Variants in PCDH15 observed in about 807,000 individuals in gnomAD.
The protein encoded by PCDH15 is protocadherin-15.
A neutral mutation model predicts 178.5 loss-of-function variants in PCDH15; 129 were observed. That is an observed-to-expected ratio of 0.72 (90% CI 0.63 to 0.84). PCDH15 has a LOEUF of 0.84. PCDH15 is among the 40% of genes least tolerant of loss of function. The pLI, the probability that PCDH15 is intolerant of heterozygous loss-of-function variation, is 0.00. For synonymous variants in PCDH15, 800 were observed against 732.0 expected (o/e 1.09, Z -1.50); for missense variants, 2,230 against 2,099.9 (o/e 1.06, Z -1.21).
intron 8 of PCDH15, among the ~76,000 whole-genome samples, chr10:54,276,636 TA>T (rs1442165542): frequency 6.7e-6 from 1 of 149,110 alleles, no homozygotes; most frequent in East Asian, 1.9e-4. Flanking sequence ...TAATAAAATC[TA>T]TATAAGAATG....
At chr10:54,425,752 G>T (rs912752053) in intron 3 of PCDH15, among the ~76,000 whole-genome samples, 1 of 152,152 alleles carries the variant, frequency 6.6e-6, no homozygotes, top group African/African-American at 2.4e-5. Flanking sequence ...TGTGACACAT[G>T]ACCTTTCTTT....
intron 14 of PCDH15, among the ~76,000 whole-genome samples, chr10:54,138,442 G>T (rs2133135871): frequency 6.6e-6 from 1 of 152,280 alleles, no homozygotes; most frequent in South Asian, 2.1e-4. Context: ...GTAGGATTGT[G>T]TTGGCGATTG....
chr10:54,664,416 A>G (rs912667559), intron 1 of PCDH15, 126 bp from the exon 2 acceptor site: 1 of 671,052 alleles, frequency 1.5e-6, no homozygotes, highest in Non-Finnish European at 2.7e-6. Flanking sequence ...CACATTATCC[A>G]TTAACAAAGT....
chr10:55,474,118 T>C (rs1436186947), intron 2 of PCDH15, among the ~76,000 whole-genome samples: 3 of 152,160 alleles, frequency 2.0e-5, no homozygotes, highest in Non-Finnish European at 4.4e-5. Context: ...TTACCAATTT[T>C]CTACATTAAC....
chr10:55,353,970 G>C (rs186858963), intron 2 of PCDH15, among the ~76,000 whole-genome samples: 1 of 152,066 alleles, frequency 6.6e-6, no homozygotes, highest in Non-Finnish European at 1.5e-5. Flanking sequence ...GCTCAGAGAC[G>C]ATTCTTTATA....
intron 8 of PCDH15, among the ~76,000 whole-genome samples, chr10:54,293,929 G>A (rs921716054): frequency 1.3e-5 from 2 of 151,998 alleles, no homozygotes; most frequent in African/African-American, 2.4e-5. Context: ...AAGGATCTAG[G>A]ACTAGAAATA....
At chr10:55,436,280 G>C (rs1589025805) in intron 2 of PCDH15, among the ~76,000 whole-genome samples, 2 of 152,042 alleles carry the variant, frequency 1.3e-5, no homozygotes, top group Admixed American at 1.3e-4. Flanking sequence ...ACATAAATTA[G>C]AAAAGATAAA....
intron 2 of PCDH15, among the ~76,000 whole-genome samples, chr10:55,483,605 T>C (rs1024923480): frequency 7.9e-5 from 12 of 151,744 alleles, no homozygotes; most frequent in African/African-American, 2.4e-4. Context: ...GAAATATCAT[T>C]CAACACAGCA....
Position 54,066,753 on chromosome 10 carries a change from T to C in PCDH15, c.2220+4A>G, listed in dbSNP as rs779853507. 3 of 1,612,748 alleles carry C rather than the reference T, an allele frequency of 1.9e-6. No individual in the cohort carries two copies. Among genetic ancestry groups the C allele is most frequent in the East Asian group, 2.2e-5 (1 of 44,750 alleles). ...TATAAGATCTATATAAATATTCCACTTACTTTTACTTGACCCACAAAGGCA... is the reference window on the plus strand; with the variant it reads ...TATAAGATCTATATAAATATTCCACCTACTTTTACTTGACCCACAAAGGCA... On this transcript the variant is annotated splice_donor_region_variant and intron_variant, in intron 18 of 37. Coordinates refer to ENST00000644397, the MANE Select transcript of PCDH15 (RefSeq NM_001384140.1).
At chr10:54,592,808 AAT>A (rs2091968374) in intron 2 of PCDH15, among the ~76,000 whole-genome samples, 1 of 152,188 alleles carries the variant, frequency 6.6e-6, no homozygotes, top group African/African-American at 2.4e-5. Context: ...CATTCCCATC[AAT>A]ATGTCTTCCT....
intron 2 of PCDH15, among the ~76,000 whole-genome samples, chr10:54,647,041 T>G (rs534313261): frequency 1.3e-5 from 2 of 152,088 alleles, no homozygotes; most frequent in African/African-American, 2.4e-5. Flanking sequence ...AGCACTACCA[T>G]GTTACTGCAG....
intron 21 of PCDH15, among the ~76,000 whole-genome samples, chr10:53,980,315 G>C (rs1320035227): frequency 6.6e-6 from 1 of 151,998 alleles, no homozygotes; most frequent in Non-Finnish European, 1.5e-5. Flanking sequence ...AATTAAAGCT[G>C]TCTTTTAAAC....
intron 9 of PCDH15, among the ~76,000 whole-genome samples, chr10:54,221,991 GTTTA>G (rs1282058437): frequency 2.0e-5 from 3 of 152,222 alleles, no homozygotes; most frequent in East Asian, 1.9e-4. Context: ...TTTATCAATA[GTTTA>G]TTTATTTCTA....
chr10:55,481,832 C>T (rs930152134), intron 2 of PCDH15, among the ~76,000 whole-genome samples: 1 of 151,598 alleles, frequency 6.6e-6, no homozygotes, highest in Non-Finnish European at 1.5e-5. Flanking sequence ...GGAGAGTTCT[C>T]TATGTGTCTA....
chr10:53,895,076 A>T (rs1405636359), intron 26 of PCDH15, among the ~76,000 whole-genome samples: 2 of 152,202 alleles, frequency 1.3e-5, no homozygotes, highest in Non-Finnish European at 2.9e-5. Context: ...AAAATACATT[A>T]AAAATTCAGA....
chr10:55,617,802 C>T (rs1330357199), intron 2 of PCDH15, among the ~76,000 whole-genome samples: 1 of 151,980 alleles, frequency 6.6e-6, no homozygotes, highest in African/African-American at 2.4e-5. Flanking sequence ...ATTTTGGCTG[C>T]AGACAAATCA....
At chr10:55,130,693 GTGTGTGT>G (rs1564822638) in intron 2 of PCDH15, among the ~76,000 whole-genome samples, 1 of 146,832 alleles carries the variant, frequency 6.8e-6, no homozygotes, top group African/African-American at 2.5e-5. Flanking sequence ...GTGTGTGTGT[GTGTGTGT>G]GTGTGTGTGT....
intron 2 of PCDH15, among the ~76,000 whole-genome samples, chr10:55,607,877 A>G (rs1843265538): frequency 6.6e-6 from 1 of 151,936 alleles, no homozygotes; most frequent in Non-Finnish European, 1.5e-5. Context: ...GTGCACATGT[A>G]CCCTAAAACT....
intron 13 of PCDH15, among the ~76,000 whole-genome samples, chr10:54,171,060 G>A (rs989943914): frequency 2.0e-5 from 3 of 152,188 alleles, no homozygotes; most frequent in East Asian, 1.9e-4. Context: ...ATAGGTAGAG[G>A]CCTTTCCTAC....
Sources: allele counts gnomAD v4.1 joint callset (sites outside exome capture counted in the v4.1 genomes callset), GRCh38; gene constraint gnomAD v4.1.1; transcripts MANE v1.5; gene names NCBI Gene and HGNC (gene_info 2026-07-23, HGNC 2026-07-21).